The following MTUS2 variants were observed in gnomAD, a reference collection of about 807,000 sequenced individuals.
MTUS2 encodes microtubule associated scaffold protein 2.
Under a neutral mutation model 114.1 loss-of-function variants are expected in MTUS2, and 40 were observed. That is an observed-to-expected ratio of 0.35 (90% CI 0.27 to 0.46). The LOEUF is 0.46. MTUS2 is among the 20% of genes least tolerant of loss of function. MTUS2 has a pLI of 1.00. For synonymous variants in MTUS2, 688 were observed against 672.0 expected (o/e 1.02, Z -0.37); for missense variants, 1,679 against 1,705.4 (o/e 0.98, Z 0.27).
chr13:28,946,311 G>GCACA (rs139195433), intron 2 of MTUS2, among the ~76,000 whole-genome samples: 4 of 149,946 alleles, frequency 2.7e-5, no homozygotes, highest in African/African-American at 9.9e-5. Context: ...GTGTGCGCGC[G>GCACA]CACATACCTG....
At chr13:29,103,436 T>A (rs1384672278) in intron 5 of MTUS2, among the ~76,000 whole-genome samples, 1 of 152,194 alleles carries the variant, frequency 6.6e-6, no homozygotes. Context: ...TGTAACAATA[T>A]CTAAACATAG....
chr13:29,172,269 G>A (rs940639620), intron 5 of MTUS2, among the ~76,000 whole-genome samples: 2 of 152,182 alleles, frequency 1.3e-5, no homozygotes, highest in Non-Finnish European at 2.9e-5. Flanking sequence ...ACTTGACAAT[G>A]TCCAAGATAA....
intron 5 of MTUS2, among the ~76,000 whole-genome samples, chr13:29,157,747 C>T (rs1292236822): frequency 2.0e-5 from 3 of 152,130 alleles, no homozygotes; most frequent in Non-Finnish European, 4.4e-5. Context: ...TTCCAACACA[C>T]TCTGTAGCAA....
chr13:29,311,771 T>G (rs528977820), intron 6 of MTUS2, among the ~76,000 whole-genome samples: 2 of 152,292 alleles, frequency 1.3e-5, no homozygotes, highest in South Asian at 4.2e-4. Flanking sequence ...TCACAAAGTT[T>G]CCCATTTATA....
chr13:29,170,216 G>A (rs1237155185), intron 5 of MTUS2, among the ~76,000 whole-genome samples: 2 of 152,360 alleles, frequency 1.3e-5, no homozygotes, highest in Middle Eastern at 3.4e-3. Flanking sequence ...GATAAAGGAG[G>A]AACTTAGGAT....
At chr13:29,059,152 C>T (rs1888286129) in intron 4 of MTUS2, among the ~76,000 whole-genome samples, 1 of 151,520 alleles carries the variant, frequency 6.6e-6, no homozygotes, top group African/African-American at 2.4e-5. Context: ...TTTCGAATTG[C>T]CAGAGTTCTT....
At chr13:29,215,245 C>T (rs1009555191) in intron 5 of MTUS2, among the ~76,000 whole-genome samples, 4 of 151,846 alleles carry the variant, frequency 2.6e-5, no homozygotes, top group Non-Finnish European at 5.9e-5. Flanking sequence ...ACTGGTTGTT[C>T]TATATAGCAG....
At position 29,398,467 on chromosome 13, in the gene MTUS2, T is replaced by TAAA. The variant is rs34771582; in HGVS notation, c.3117+39005_3117+39007dup. On this transcript the variant is annotated intron_variant, in intron 8 of 15. Transcript: ENST00000612955. ...ACAGAGTGAGACTCTGTCTCAAAAT[T>TAAA]AAAAAAAAAAAAAGAAAGAAAAAGA... Among the ~76,000 whole-genome samples the TAAA allele has an allele frequency of 4.7e-4, 39 of 83,204 alleles. 1 individual carries two copies. The highest frequency in any genetic ancestry group is 0.013 in the Middle Eastern group (2 of 154). 54.6% of individuals were successfully genotyped at this position (83,204 alleles called of 152,430 possible).
chr13:29,260,763 G>A (rs778541920), intron 5 of MTUS2, among the ~76,000 whole-genome samples: 1 of 152,182 alleles, frequency 6.6e-6, no homozygotes, highest in Non-Finnish European at 1.5e-5. Flanking sequence ...TTCAGCTAGA[G>A]CAGTGGTTCT....
rs370719853 is a variant in MTUS2, at chr13:29,336,017, G to C, written c.2905+11306G>C. ...GTGTGTTTCATGAAGTTCTTGTGCT[G>C]TATTTTTCAGCTCCGTCAGGTCATT... On this transcript the variant is annotated intron_variant, in intron 7 of 15. Transcript: ENST00000612955. Among the ~76,000 whole-genome samples the C allele has an allele frequency of 1.6e-3, 242 of 152,248 alleles. 2 individuals are homozygous for C. The highest frequency in any genetic ancestry group is 5.6e-3 in the African/African-American group (234 of 41,536).
At chr13:29,372,294 A>G (rs1239612618) in intron 8 of MTUS2, among the ~76,000 whole-genome samples, 2 of 152,010 alleles carry the variant, frequency 1.3e-5, no homozygotes, top group Admixed American at 6.6e-5. Flanking sequence ...AATGCAAAAT[A>G]GCATCTTGAC....
chr13:29,198,345 G>T (rs1894789956), intron 5 of MTUS2, among the ~76,000 whole-genome samples: 1 of 152,162 alleles, frequency 6.6e-6, no homozygotes. Context: ...CCCATTGCTT[G>T]TTTTTGTCAG....
At chr13:29,492,302 G>A (rs1882240810) in intron 11 of MTUS2, among the ~76,000 whole-genome samples, 1 of 147,448 alleles carries the variant, frequency 6.8e-6, no homozygotes, top group African/African-American at 2.6e-5. Context: ...GTGATGTGTG[G>A]TAGGTGTGTA....
chr13:29,131,758 G>A (rs1052767412), intron 5 of MTUS2, among the ~76,000 whole-genome samples: 1 of 152,240 alleles, frequency 6.6e-6, no homozygotes, highest in Non-Finnish European at 1.5e-5. Flanking sequence ...ACAATGTTTA[G>A]TTGTCTTATT....
chr13:29,198,376 T>A (rs935242996), intron 5 of MTUS2, among the ~76,000 whole-genome samples: 3 of 152,198 alleles, frequency 2.0e-5, no homozygotes, highest in Admixed American at 2.0e-4. Context: ...GACCAGATGG[T>A]TGTAGATGTG....
intron 3 of MTUS2, among the ~76,000 whole-genome samples, chr13:29,027,174 G>A (rs1444836023): frequency 6.6e-6 from 1 of 152,152 alleles, no homozygotes; most frequent in Non-Finnish European, 1.5e-5. Flanking sequence ...TATGAAATTA[G>A]ATGAGTATGC....
At chr13:29,374,875 G>A (rs558861406) in intron 8 of MTUS2, among the ~76,000 whole-genome samples, 86 of 152,204 alleles carry the variant, frequency 5.7e-4, no homozygotes, top group Non-Finnish European at 1.0e-3. Flanking sequence ...GCAGTGAGCC[G>A]AGATCATGCC....
intron 2 of MTUS2, among the ~76,000 whole-genome samples, chr13:28,859,477 T>G (rs142677124): frequency 6.6e-6 from 1 of 152,314 alleles, no homozygotes; most frequent in East Asian, 1.9e-4. Flanking sequence ...CCTCCTTTAC[T>G]TTCTAGGACT....
chr13:29,086,602 T>G (rs1889702845), intron 4 of MTUS2, among the ~76,000 whole-genome samples: 3 of 152,170 alleles, frequency 2.0e-5, no homozygotes, highest in Admixed American at 2.0e-4. Flanking sequence ...CTTTGGCTAT[T>G]GGGGCTCTTT....
Sources: gnomAD v4.1 joint callset for allele counts (sites outside exome capture counted in the v4.1 genomes callset) on GRCh38, gnomAD v4.1.1 for gene constraint, MANE v1.5 for transcripts, NCBI Gene and HGNC (gene_info 2026-07-23, HGNC 2026-07-21) for gene names.